The following CALD1 variants were observed in gnomAD, a reference collection of about 807,000 sequenced individuals.
CALD1 encodes the protein caldesmon 1, also known as caldesmon.
A neutral mutation model predicts 99.9 loss-of-function variants in CALD1; 33 were observed. That is an observed-to-expected ratio of 0.33 (90% CI 0.25 to 0.44). The LOEUF (loss-of-function observed/expected upper bound fraction) is 0.44, where lower values mean the gene tolerates loss of function less well. Ranked by LOEUF, CALD1 falls within the 20% of genes least tolerant of loss-of-function variation. The pLI, the probability that CALD1 is intolerant of heterozygous loss-of-function variation, is 1.00. For missense variants in CALD1, 861 were observed against 962.1 expected, an observed-to-expected ratio of 0.89 and a Z score of 1.39; for synonymous variants, 310 against 325.0, an observed-to-expected ratio of 0.95 and a Z score of 0.50.
In CALD1 at chr7:134,891,567, G is replaced by A; in HGVS notation, c.71+23763G>A. On this transcript the variant is annotated intron_variant, in intron 3 of 14. Transcript: ENST00000361675. ...GCCCAGCCCACGCCCTGACCGCCCG[G>A]CCTGGCCAGGTCTCCGTATCTCTCT... 3 of 1,572,980 alleles carry A rather than the reference G, an allele frequency of 1.9e-6. No individual in the cohort carries two copies. The Admixed American group carries it at 5.5e-5, about 29-fold the overall frequency.
At chr7:134,918,171 A>C (rs1301172536) in intron 3 of CALD1, among the ~76,000 whole-genome samples, 1 of 152,226 alleles carries the variant, frequency 6.6e-6, no homozygotes, top group Non-Finnish European at 1.5e-5. Flanking sequence ...ATTTCTTTTA[A>C]AAATAAATGT....
At chr7:134,828,668 G>A (rs563755452) in intron 1 of CALD1, among the ~76,000 whole-genome samples, 5 of 152,182 alleles carry the variant, frequency 3.3e-5, no homozygotes, top group Non-Finnish European at 7.4e-5. Flanking sequence ...TATATCATAG[G>A]ATTCTTAGGA....
At position 134,947,733 on chromosome 7, in the gene CALD1, G is replaced by T; in HGVS notation, c.1758G>T (p.Arg586Ser). ...RKVLEEEEQRRKQEEADRKLR... is the reference protein window; with the variant it reads ...RKVLEEEEQRSKQEEADRKLR... ...TCCTGGAGGAGGAAGAGCAGAGGAG[G>T]AAGCAGGAGGAAGCCGATCGAAAAC... Residue 586 changes from arginine to serine, a missense_variant, in exon 8 of 15, where the codon AGG (arginine) becomes AGT (serine). Around this residue, in one of 5 missense-constraint regions of CALD1, gnomAD observed 293 missense variants for 262.7 expected, o/e 1.12. Coordinates refer to ENST00000361675, the MANE Select transcript of CALD1 (RefSeq NM_033138.4). 1 of 1,613,932 alleles carries T rather than the reference G, an allele frequency of 6.2e-7. No individual in the cohort carries two copies. The highest frequency in any genetic ancestry group is 2.2e-5 in the East Asian group (1 of 44,884).
intron 3 of CALD1, among the ~76,000 whole-genome samples, chr7:134,899,519 G>C (rs920638597): frequency 1.3e-5 from 2 of 152,154 alleles, no homozygotes; most frequent in Non-Finnish European, 2.9e-5. Flanking sequence ...CTTCATTCAA[G>C]GCCTGCTGAA....
intron 3 of CALD1, among the ~76,000 whole-genome samples, chr7:134,884,690 T>G (rs1352230334): frequency 6.6e-6 from 1 of 150,594 alleles, no homozygotes. Flanking sequence ...CCAACTGACC[T>G]TGGTGCAGCG....
chr7:134,947,131 T>C (rs947497132), intron 7 of CALD1, among the ~76,000 whole-genome samples: 9 of 152,214 alleles, frequency 5.9e-5, no homozygotes, highest in Admixed American at 1.3e-4. Context: ...GGTATACAAA[T>C]GTCTCTTCAA....
At chr7:134,965,252 G>T in intron 13 of CALD1, 54 bp from the exon 14 acceptor site, 1 of 854,666 alleles carries the variant, frequency 1.2e-6, no homozygotes, top group South Asian at 1.3e-5. Context: ...TTTAGAGCTG[G>T]CTAGAAAATA....
At position 134,968,528 on chromosome 7, in the gene CALD1, A is replaced by G. The variant is rs140065054; in HGVS notation, c.*183A>G. On this transcript the variant is annotated 3_prime_UTR_variant, in exon 15 of 15. Coordinates refer to ENST00000361675, the MANE Select transcript of CALD1 (RefSeq NM_033138.4). Reference sequence around the variant, plus strand: ...TAATAATCACAGTCTAGAGATGTTCATGGTAAAAGTACTGCCTTTGCACAG... The same window carrying G: ...TAATAATCACAGTCTAGAGATGTTCGTGGTAAAAGTACTGCCTTTGCACAG... 9.4e-3 allele frequency: 6,791 copies of G among 718,846 alleles called. 53 individuals carry two copies. Among genetic ancestry groups the G allele is most frequent in the Middle Eastern group, 0.02 (87 of 4,372 alleles). 44.5% of individuals were successfully genotyped at this position (718,846 alleles called of 1,614,324 possible). A position where few individuals can be genotyped will look rare whatever the true frequency, so the allele number is the denominator to read the frequency against.
intron 3 of CALD1, among the ~76,000 whole-genome samples, chr7:134,926,880 G>A (rs1450635608): frequency 1.3e-5 from 2 of 152,090 alleles, no homozygotes; most frequent in Non-Finnish European, 2.9e-5. Context: ...AAAGTGTATT[G>A]TACACTTTAA....
At chr7:134,937,757 G>C (rs1806104576) in intron 6 of CALD1, among the ~76,000 whole-genome samples, 1 of 152,002 alleles carries the variant, frequency 6.6e-6, no homozygotes, top group Non-Finnish European at 1.5e-5. Flanking sequence ...CCTTCTTAAA[G>C]AAAACATTTC....
intron 1 of CALD1, among the ~76,000 whole-genome samples, chr7:134,745,981 A>T (rs17792160): frequency 6.6e-6 from 1 of 151,948 alleles, no homozygotes; most frequent in Non-Finnish European, 1.5e-5. Context: ...GTGGGTCGAT[A>T]AAGCCACTGC....
In CALD1 at chr7:134,968,795, C is replaced by A; in HGVS notation, c.*450C>A. ...GCATGGAAGAAATTATCTTAGTAGG[C>A]AATTGTAACACTTTTTGAAAGTAAC... On this transcript the variant is annotated 3_prime_UTR_variant, in exon 15 of 15. Coordinates refer to ENST00000361675, the MANE Select transcript of CALD1 (RefSeq NM_033138.4). 2 of 205,722 alleles carry A rather than the reference C, an allele frequency of 9.7e-6. No individual in the cohort carries two copies. The highest frequency in any genetic ancestry group is 1.0e-4 in the East Asian group (1 of 9,850). 12.7% of individuals were successfully genotyped at this position (205,722 alleles called of 1,614,324 possible). A position where few individuals can be genotyped will look rare whatever the true frequency, so the allele number is the denominator to read the frequency against.
intron 1 of CALD1, among the ~76,000 whole-genome samples, chr7:134,790,440 C>T (rs1797482121): frequency 6.6e-6 from 1 of 152,168 alleles, no homozygotes; most frequent in South Asian, 2.1e-4. Flanking sequence ...CCAACCCTCT[C>T]CAATTCTCTA....
chr7:134,874,341 C>A (rs946969744), intron 3 of CALD1, among the ~76,000 whole-genome samples: 1 of 151,994 alleles, frequency 6.6e-6, no homozygotes, highest in African/African-American at 2.4e-5. Flanking sequence ...CCACCACACC[C>A]AGCTAGTTTT....
chr7:134,805,475 G>C (rs191109568), intron 1 of CALD1, among the ~76,000 whole-genome samples: 1 of 152,076 alleles, frequency 6.6e-6, no homozygotes, highest in East Asian at 1.9e-4. Context: ...AGATACAGTA[G>C]TTCTCTATGC....
chr7:134,854,454 C>T (rs777567269), intron 2 of CALD1, among the ~76,000 whole-genome samples: 8 of 152,240 alleles, frequency 5.3e-5, no homozygotes, highest in South Asian at 4.2e-4. Flanking sequence ...AGAGTCTCAG[C>T]CACTCTTGAT....
intron 1 of CALD1, among the ~76,000 whole-genome samples, chr7:134,758,888 C>A (rs1796753422): frequency 6.6e-6 from 1 of 152,138 alleles, no homozygotes; most frequent in South Asian, 2.1e-4. Flanking sequence ...CACATCTGTA[C>A]CCTTCCTTCC....
intron 2 of CALD1, among the ~76,000 whole-genome samples, chr7:134,863,191 G>A (rs764348672): frequency 1.3e-5 from 2 of 152,092 alleles, no homozygotes; most frequent in Non-Finnish European, 2.9e-5. Flanking sequence ...AGTTGGGGAG[G>A]GGGGAATATA....
intron 7 of CALD1, 111 bp downstream of exon 7, chr7:134,941,348 C>T (rs1806421413): frequency 3.5e-6 from 3 of 855,574 alleles, no homozygotes; most frequent in African/African-American, 3.4e-5. Context: ...AAGCAGGCAG[C>T]ATGCTTTTGT....
Sources: gnomAD v4.1 joint callset for allele counts (sites outside exome capture counted in the v4.1 genomes callset) on GRCh38, gnomAD v4.1.1 for gene constraint, gnomAD v4.1.1 regional missense constraint, MANE v1.5 for transcripts, NCBI Gene and HGNC (gene_info 2026-07-23, HGNC 2026-07-21) for gene names.